KAT6B: variants seen among roughly 807,000 people sequenced by gnomAD.
KAT6B encodes the protein histone acetyltransferase KAT6B.
In KAT6B, 10 loss-of-function variants were observed where a neutral mutation model predicts 187.5. The observed-to-expected ratio is 0.05, with a 90% confidence interval of 0.03 to 0.09. The LOEUF is 0.09. Ranked by LOEUF, KAT6B falls within the 10% of genes least tolerant of loss-of-function variation. KAT6B has a pLI of 1.00. For missense variants in KAT6B, 1,952 were observed against 2,558.9 expected (o/e 0.76, Z 5.12); for synonymous variants, 861 against 926.8 (o/e 0.93, Z 1.29).
intron 3 of KAT6B, among the ~76,000 whole-genome samples, chr10:74,930,071 C>T (rs935910315): frequency 2.0e-4 from 30 of 151,910 alleles, no homozygotes; most frequent in East Asian, 1.9e-4. Flanking sequence ...AGGCACCTGC[C>T]GCCATACCTG....
chr10:74,936,663 C>A (rs1460487772), intron 3 of KAT6B, among the ~76,000 whole-genome samples: 1 of 152,004 alleles, frequency 6.6e-6, no homozygotes, highest in Non-Finnish European at 1.5e-5. Context: ...TTTAATATAT[C>A]AATGTGTGGT....
At chr10:74,904,324 G>T (rs546738890) in intron 3 of KAT6B, among the ~76,000 whole-genome samples, 112 of 152,310 alleles carry the variant, frequency 7.4e-4, no homozygotes, top group African/African-American at 2.6e-3. Flanking sequence ...TGTCAGCAGG[G>T]ATGTGGTCTC....
intron 3 of KAT6B, among the ~76,000 whole-genome samples, chr10:74,914,360 T>A (rs888286311): frequency 6.6e-6 from 1 of 152,212 alleles, no homozygotes; most frequent in Non-Finnish European, 1.5e-5. Flanking sequence ...GAAATCAAAT[T>A]CCATCTTATT....
chr10:74,990,537 TTC>T (rs1843069820), intron 13 of KAT6B, among the ~76,000 whole-genome samples: 1 of 152,210 alleles, frequency 6.6e-6, no homozygotes, highest in African/African-American at 2.4e-5. Context: ...TTGATTATTT[TTC>T]TCTTTTTAGA....
At chr10:74,983,419 A>T (rs573020701) in intron 11 of KAT6B, 2 of 152,350 alleles carry the variant, frequency 1.3e-5, no homozygotes, top group South Asian at 4.1e-4. Flanking sequence ...TCCTGTTGGT[A>T]TGCTATCCTG....
At chr10:74,878,455 A>G (rs1844585314) in intron 3 of KAT6B, among the ~76,000 whole-genome samples, 1 of 151,968 alleles carries the variant, frequency 6.6e-6, no homozygotes, top group Non-Finnish European at 1.5e-5. Flanking sequence ...CCCTGTCTCT[A>G]CTAAAATACA....
intron 3 of KAT6B, among the ~76,000 whole-genome samples, chr10:74,918,563 T>C (rs759023456): frequency 8.6e-5 from 13 of 151,516 alleles, no homozygotes; most frequent in Non-Finnish European, 1.9e-4. Context: ...CCCAACATGG[T>C]GAAACCTTGT....
At chr10:75,026,318 G>GCACC in intron 17 of KAT6B, among the ~76,000 whole-genome samples, 1 of 152,166 alleles carries the variant, frequency 6.6e-6, no homozygotes, top group Middle Eastern at 3.4e-3. Flanking sequence ...GTCTTTAAAA[G>GCACC]CACCCATCCT....
At chr10:74,854,961 T>C (rs1842721598) in intron 3 of KAT6B, among the ~76,000 whole-genome samples, 1 of 152,246 alleles carries the variant, frequency 6.6e-6, no homozygotes, top group Non-Finnish European at 1.5e-5. Context: ...AACATTGTAG[T>C]TTTGTCTCCC....
At position 74,987,613 on chromosome 10, in the gene KAT6B, A is replaced by G. The variant is rs529166307; in HGVS notation, c.2536-1406A>G. On this transcript the variant is annotated intron_variant, in intron 12 of 17. Transcript: ENST00000287239. ...GTTCAGTGCAAATTGTTACATGCAT[A>G]TGACTTTCCAAGCACATAATAGATG... 7.9e-5 allele frequency among the ~76,000 whole-genome samples: 12 copies of G among 152,370 alleles called. 1 individual carries two copies. In the South Asian group the frequency reaches 1.9e-3, roughly 24 times the overall value.
intron 3 of KAT6B, among the ~76,000 whole-genome samples, chr10:74,846,256 C>T (rs182913081): frequency 6.6e-6 from 1 of 152,056 alleles, no homozygotes; most frequent in East Asian, 1.9e-4. Context: ...TAACCAACCT[C>T]TAGTTCTCTG....
intron 3 of KAT6B, among the ~76,000 whole-genome samples, chr10:74,925,529 T>C (rs569617173): frequency 4.4e-4 from 67 of 151,976 alleles, no homozygotes; most frequent in African/African-American, 1.6e-3. Flanking sequence ...GTAAAACCTA[T>C]GCCTGGAAAT....
At chr10:74,837,551 C>A (rs1298961832) in intron 1 of KAT6B, among the ~76,000 whole-genome samples, 1 of 151,848 alleles carries the variant, frequency 6.6e-6, no homozygotes, top group Non-Finnish European at 1.5e-5. Flanking sequence ...GTGGATAATT[C>A]CAAATCAGGA....
intron 3 of KAT6B, among the ~76,000 whole-genome samples, chr10:74,930,169 C>T (rs924014698): frequency 6.6e-6 from 1 of 152,158 alleles, no homozygotes; most frequent in African/African-American, 2.4e-5. Flanking sequence ...GTAATCCACC[C>T]ACTTCGGCCT....
intron 3 of KAT6B, among the ~76,000 whole-genome samples, chr10:74,847,128 A>G (rs1327597021): frequency 6.6e-6 from 1 of 152,178 alleles, no homozygotes; most frequent in Non-Finnish European, 1.5e-5. Context: ...TAGGATTGAG[A>G]GCAGAGTAAT....
intron 12 of KAT6B, among the ~76,000 whole-genome samples, chr10:74,986,876 G>A (rs1038998898): frequency 6.6e-6 from 1 of 152,116 alleles, no homozygotes; most frequent in Non-Finnish European, 1.5e-5. Flanking sequence ...CACCTTCCTC[G>A]TGCTGCACTG....
intron 3 of KAT6B, among the ~76,000 whole-genome samples, chr10:74,949,837 A>G (rs1840197933): frequency 6.6e-6 from 1 of 152,168 alleles, no homozygotes; most frequent in African/African-American, 2.4e-5. Context: ...ATATGTAGGG[A>G]TGCTTTTGAA....
chr10:74,847,639 G>A (rs1842199809), intron 3 of KAT6B, among the ~76,000 whole-genome samples: 1 of 151,374 alleles, frequency 6.6e-6, no homozygotes, highest in African/African-American at 2.4e-5. Context: ...ATTCCAGCCT[G>A]GGCAACAAAA....
chr10:74,848,437 G>T (rs927052785), intron 3 of KAT6B, among the ~76,000 whole-genome samples: 1 of 152,110 alleles, frequency 6.6e-6, no homozygotes, highest in Admixed American at 6.5e-5. Context: ...CCTGGGAGGC[G>T]GAGGTTGCAG....
Sources: allele counts gnomAD v4.1 joint callset (sites outside exome capture counted in the v4.1 genomes callset), GRCh38; gene constraint gnomAD v4.1.1; transcripts MANE v1.5; gene names NCBI Gene and HGNC (gene_info 2026-07-23, HGNC 2026-07-21).